Variants in SLC28A3 observed in about 807,000 individuals in gnomAD.
The protein encoded by SLC28A3 is solute carrier family 28 member 3.
Under a neutral mutation model 84.2 loss-of-function variants are expected in SLC28A3, and 68 were observed. That is an observed-to-expected ratio of 0.81 (90% CI 0.66 to 0.99). The LOEUF (loss-of-function observed/expected upper bound fraction) is 0.99. Ranked by LOEUF, SLC28A3 falls within the 50% of genes least tolerant of loss-of-function variation. The probability of loss-of-function intolerance (pLI) is 0.00; values close to 1 mark genes in which losing one functional copy is unlikely to be tolerated. For missense variants in SLC28A3, 712 were observed against 841.5 expected, an observed-to-expected ratio of 0.85 and a Z score of 1.90; for synonymous variants, 267 against 303.6, an observed-to-expected ratio of 0.88 and a Z score of 1.25.
chr9:84,346,864 T>C, the SLC28A3 span, among the ~76,000 whole-genome samples: 11 of 152,230 alleles, frequency 7.2e-5, no homozygotes, highest in African/African-American at 2.4e-4. Flanking sequence ...TTTGGCTGTC[T>C]GTATCACTTT....
chr9:84,304,505 G>T (rs1437381131), intron 4 of SLC28A3, among the ~76,000 whole-genome samples: 1 of 151,724 alleles, frequency 6.6e-6, no homozygotes, highest in African/African-American at 2.4e-5. Context: ...AACAAATAAA[G>T]TGAGCCAAGG....
intron 1 of SLC28A3, among the ~76,000 whole-genome samples, chr9:84,333,852 C>T (rs1826874677): frequency 6.6e-6 from 1 of 152,184 alleles, no homozygotes; most frequent in Non-Finnish European, 1.5e-5. Context: ...TAACAGTGTC[C>T]CTAGCTGCAA....
chr9:84,320,208 C>A (rs1369704907), intron 1 of SLC28A3, among the ~76,000 whole-genome samples: 2 of 146,618 alleles, frequency 1.4e-5, no homozygotes, highest in African/African-American at 5.0e-5. Flanking sequence ...CGCCACCACA[C>A]CCTGCTCATT....
In SLC28A3 at chr9:84,340,696, T is replaced by C; in HGVS notation, c.-63A>G. 6.3e-7 allele frequency: 1 copy of C among 1,596,916 alleles called. No homozygotes were observed. Among genetic ancestry groups the C allele is most frequent in the Non-Finnish European group, 8.6e-7 (1 of 1,165,896 alleles). On this transcript the variant is annotated 5_prime_UTR_variant, in exon 1 of 18. Transcript: ENST00000376238. ...CTTTGTACCTGGGAAAAAGCACCAG[T>C]CTCTGCTGATGTCAGAAAGCCACCT...
chr9:84,313,322 C>T, intron 2 of SLC28A3, 37 bp downstream of exon 2: 3 of 1,572,930 alleles, frequency 1.9e-6, no homozygotes, highest in South Asian at 1.1e-5. Flanking sequence ...CAGCGGCTGC[C>T]ATGGTACTAG....
upstream of SLC28A3, among the ~76,000 whole-genome samples, chr9:84,342,230 TG>T (rs1370923357): frequency 6.6e-6 from 1 of 151,064 alleles, no homozygotes; most frequent in East Asian, 1.9e-4. Context: ...GGGCAGTTGG[TG>T]TTTTTTTTTT....
intron 1 of SLC28A3, among the ~76,000 whole-genome samples, chr9:84,339,281 C>T (rs1473523750): frequency 6.6e-6 from 1 of 151,862 alleles, no homozygotes; most frequent in Non-Finnish European, 1.5e-5. Context: ...ACTGAGTCTC[C>T]CTCTGTCAAC....
chr9:84,309,548 A>G, intron 3 of SLC28A3, 81 bp downstream of exon 3: 2 of 726,266 alleles, frequency 2.8e-6, no homozygotes, highest in South Asian at 4.6e-5. Flanking sequence ...AAAAAAAAAA[A>G]GAAATCAAAT....
At chr9:84,317,630 G>A (rs1426581845) in intron 1 of SLC28A3, among the ~76,000 whole-genome samples, 3 of 152,128 alleles carry the variant, frequency 2.0e-5, no homozygotes, top group Non-Finnish European at 2.9e-5. Flanking sequence ...TGCTAGGAGA[G>A]CCTTTCTTCA....
the SLC28A3 span, among the ~76,000 whole-genome samples, chr9:84,352,892 CAAAA>C: frequency 4.1e-5 from 3 of 72,814 alleles, no homozygotes; most frequent in African/African-American, 1.1e-4. Flanking sequence ...GATTCTGTCT[CAAAA>C]AAAAAAAAAA....
intron 4 of SLC28A3, among the ~76,000 whole-genome samples, chr9:84,304,760 G>A (rs1825735713): frequency 6.6e-6 from 1 of 152,250 alleles, no homozygotes; most frequent in African/African-American, 2.4e-5. Flanking sequence ...AGTGGATCAC[G>A]CTTGTAATCC....
chr9:84,355,556 G>A, the SLC28A3 span, among the ~76,000 whole-genome samples: 4 of 152,208 alleles, frequency 2.6e-5, no homozygotes, highest in South Asian at 4.1e-4. Context: ...TGTCATTTTC[G>A]GTTTGGTCTA....
chr9:84,340,857 T>TGGCC (rs909809573), upstream of SLC28A3, among the ~76,000 whole-genome samples: 18 of 152,134 alleles, frequency 1.2e-4, no homozygotes, highest in Admixed American at 3.9e-4. Flanking sequence ...CATCTAGTGC[T>TGGCC]GGCCCGCCCA....
the SLC28A3 span, among the ~76,000 whole-genome samples, chr9:84,367,528 C>CAA: frequency 6.6e-6 from 1 of 152,150 alleles, no homozygotes; most frequent in Non-Finnish European, 1.5e-5. Flanking sequence ...GACACAGAGA[C>CAA]AAAGCATAGA....
At position 84,313,442 on chromosome 9, in the gene SLC28A3, A is replaced by G. The variant is rs1826060809; in HGVS notation, c.73T>C (p.Phe25Leu). 1 of 1,613,702 alleles carries G rather than the reference A, an allele frequency of 6.2e-7. No homozygotes were observed. Among genetic ancestry groups the G allele is most frequent in the Admixed American group, 1.7e-5 (1 of 59,874 alleles). The change falls in exon 2 of 18, where the codon TTT becomes CTT. Residue 25 changes from phenylalanine (F) to leucine (L), a missense_variant. By Grantham distance (22) the Phe-to-Leu change is conservative (BLOSUM62 0). Transcript: ENST00000376238. Reference sequence around the variant, plus strand: ...CCTGATGTGTTCTCGTTCTCAAGAAAGTTTTCTTCATTCTAAGAAAAAAGT... The same window carrying G: ...CCTGATGTGTTCTCGTTCTCAAGAAGGTTTTCTTCATTCTAAGAAAAAAGT... ...SNVGFQNEEN[F>L]LENENTSGNN... is the part of the protein sequence containing the mutation.
At chr9:84,294,091 A>C in intron 9 of SLC28A3, 104 bp downstream of exon 9, 1 of 975,990 alleles carries the variant, frequency 1.0e-6, no homozygotes, top group Non-Finnish European at 1.5e-6. Flanking sequence ...TAATGGTAGG[A>C]AGAGAAAGGC....
At chr9:84,311,192 C>A (rs1286953887) in intron 2 of SLC28A3, among the ~76,000 whole-genome samples, 4 of 152,158 alleles carry the variant, frequency 2.6e-5, no homozygotes, top group Admixed American at 6.5e-5. Flanking sequence ...CCATTGCTAT[C>A]AAATCCAGTA....
intron 16 of SLC28A3, among the ~76,000 whole-genome samples, chr9:84,279,732 G>A (rs1261030482): frequency 6.6e-6 from 1 of 152,252 alleles, no homozygotes; most frequent in Non-Finnish European, 1.5e-5. Context: ...TGGGATTACA[G>A]GCGTAAGCCA....
intron 8 of SLC28A3, among the ~76,000 whole-genome samples, chr9:84,296,167 A>C (rs916153801): frequency 1.3e-5 from 2 of 152,174 alleles, no homozygotes; most frequent in Non-Finnish European, 2.9e-5. Context: ...TGATATGAGT[A>C]TATTTCTATC....
Sources: gnomAD v4.1 joint callset for allele counts (sites outside exome capture counted in the v4.1 genomes callset) on GRCh38, gnomAD v4.1.1 for gene constraint, MANE v1.5 for transcripts, NCBI Gene and HGNC (gene_info 2026-07-23, HGNC 2026-07-21) for gene names.